The following PRKAR2B variants were observed in gnomAD, a reference collection of about 807,000 sequenced individuals.
PRKAR2B encodes the protein protein kinase cAMP-dependent type II regulatory subunit beta.
A neutral mutation model predicts 49.9 loss-of-function variants in PRKAR2B; 14 were observed. The ratio of observed to expected loss-of-function variants is 0.28; its 90% CI spans 0.19 to 0.44. PRKAR2B has a LOEUF of 0.44. PRKAR2B is among the 20% of genes least tolerant of loss of function. The pLI is 1.00. For synonymous variants in PRKAR2B, 196 were observed against 197.7 expected (o/e 0.99, Z 0.07); for missense variants, 393 against 537.9 (o/e 0.73, Z 2.67).
chr7:107,101,719 A>G (rs967082049), intron 2 of PRKAR2B, among the ~76,000 whole-genome samples: 3 of 152,166 alleles, frequency 2.0e-5, no homozygotes, highest in Non-Finnish European at 4.4e-5. Context: ...CAAAGCTGGT[A>G]GAACCACCAT....
At position 107,076,266 on chromosome 7, in the gene PRKAR2B, A is replaced by G. The variant is rs183011177; in HGVS notation, c.343+5950A>G. Among the ~76,000 whole-genome samples, 211 of 152,298 alleles carry G rather than the reference A, an allele frequency of 1.4e-3. 1 individual carries two copies. Among genetic ancestry groups the G allele is most frequent in the Non-Finnish European group, 2.0e-3 (137 of 68,026 alleles). Reference sequence around the variant, plus strand: ...ATAACACTGAAGGAATTTAACATCGATACGATACTATTATCTCATACAGAG... The same window carrying G: ...ATAACACTGAAGGAATTTAACATCGGTACGATACTATTATCTCATACAGAG... On this transcript the variant is annotated intron_variant, in intron 2 of 10. Transcript: ENST00000265717.
At chr7:107,096,408 G>T (rs181353790) in intron 2 of PRKAR2B, among the ~76,000 whole-genome samples, 95 of 150,982 alleles carry the variant, frequency 6.3e-4, no homozygotes, top group African/African-American at 2.2e-3. Context: ...TTCTTTGTTA[G>T]TCTTGCTAGC....
intron 6 of PRKAR2B, among the ~76,000 whole-genome samples, chr7:107,149,309 T>C (rs1406083674): frequency 1.3e-5 from 2 of 152,142 alleles, no homozygotes; most frequent in Non-Finnish European, 2.9e-5. Flanking sequence ...GGAAACAAGA[T>C]GTTTAATTTC....
chr7:107,068,284 G>A (rs1053769117), intron 1 of PRKAR2B, among the ~76,000 whole-genome samples: 11 of 152,100 alleles, frequency 7.2e-5, no homozygotes, highest in Non-Finnish European at 1.2e-4. Flanking sequence ...GGGCAGGGGG[G>A]CAGAGAATGT....
chr7:107,136,472 C>G (rs1795703822), intron 4 of PRKAR2B, among the ~76,000 whole-genome samples: 1 of 152,066 alleles, frequency 6.6e-6, no homozygotes, highest in African/African-American at 2.4e-5. Flanking sequence ...CAGTAGTAAA[C>G]CATCAGATTA....
intron 2 of PRKAR2B, among the ~76,000 whole-genome samples, chr7:107,099,054 G>A (rs968331528): frequency 5.9e-5 from 9 of 152,138 alleles, no homozygotes; most frequent in African/African-American, 2.2e-4. Flanking sequence ...TGTCAGACAG[G>A]GACATTTAAG....
intron 2 of PRKAR2B, among the ~76,000 whole-genome samples, chr7:107,072,863 TTAATG>T (rs1376449459): frequency 2.0e-5 from 3 of 152,182 alleles, no homozygotes; most frequent in Non-Finnish European, 4.4e-5. Flanking sequence ...CCATAAAACT[TTAATG>T]TAAGAATGGT....
rs1796170713 is a variant in PRKAR2B at position 107,160,024 on chromosome 7, A to AT, written c.*444dup. On this transcript the variant is annotated 3_prime_UTR_variant, in exon 11 of 11. Coordinates refer to ENST00000265717, the MANE Select transcript of PRKAR2B (RefSeq NM_002736.3). ...ATGGCATCACTTTTTTTTATAACTC[A>AT]TTAAACACAGTAAAATTTTAATCAT... is the stretch of plus-strand genomic sequence containing the variant. The AT allele has an allele frequency of 6.5e-6, 1 of 153,678 alleles. No individual in the cohort carries two copies. Among genetic ancestry groups the AT allele is most frequent in the Admixed American group, 6.5e-5 (1 of 15,322 alleles). The allele number at this position is 153,678 out of a possible 1,614,324, so 9.5% of individuals were successfully genotyped here.
rs1562876094 is a variant in PRKAR2B at position 107,161,632 on chromosome 7, T to G, written c.*2050T>G. 6.6e-6 allele frequency: 1 copy of G among 152,558 alleles called. No homozygotes were observed. The highest frequency in any genetic ancestry group is 1.5e-5 in the Non-Finnish European group (1 of 68,026). The allele number at this position is 152,558 out of a possible 1,614,324, so 9.5% of individuals were successfully genotyped here. On this transcript the variant is annotated 3_prime_UTR_variant, in exon 11 of 11. Coordinates refer to ENST00000265717, the MANE Select transcript of PRKAR2B (RefSeq NM_002736.3). ...GGAAGCGAACCCCCAGGGCATAACA[T>G]AGTAAGAAAGTATGGTTCTGTATGG...
At chr7:107,140,744 T>C (rs1795776932) in intron 4 of PRKAR2B, 103 bp from the exon 5 acceptor site, 1 of 740,160 alleles carries the variant, frequency 1.4e-6, no homozygotes, top group African/African-American at 1.8e-5. Flanking sequence ...GTTATGATTA[T>C]TTCCATTTCT....
intron 2 of PRKAR2B, among the ~76,000 whole-genome samples, chr7:107,080,194 T>G (rs1794489442): frequency 6.6e-6 from 1 of 152,126 alleles, no homozygotes; most frequent in Non-Finnish European, 1.5e-5. Flanking sequence ...GGGAGCACCA[T>G]GGAGTGGTCC....
chr7:107,049,217 G>A (rs1793756543), intron 1 of PRKAR2B, among the ~76,000 whole-genome samples: 1 of 152,188 alleles, frequency 6.6e-6, no homozygotes. Context: ...AGATTACTCT[G>A]ATAAATGGAC....
At chr7:107,094,245 C>T (rs1261298952) in intron 2 of PRKAR2B, among the ~76,000 whole-genome samples, 3 of 152,280 alleles carry the variant, frequency 2.0e-5, no homozygotes, top group African/African-American at 7.2e-5. Context: ...TTTTGATTTG[C>T]ATTTCTCTGA....
intron 4 of PRKAR2B, chr7:107,128,936 T>C (rs1795548633): frequency 6.6e-6 from 1 of 152,126 alleles, no homozygotes; most frequent in African/African-American, 2.4e-5. Context: ...GCTTCCTTCA[T>C]CTCAGATTAT....
At chr7:107,067,655 A>C (rs756333777) in intron 1 of PRKAR2B, among the ~76,000 whole-genome samples, 1 of 152,240 alleles carries the variant, frequency 6.6e-6, no homozygotes, top group Non-Finnish European at 1.5e-5. Flanking sequence ...TGTCCCACCT[A>C]GATGTGGAGG....
chr7:107,044,827 C>G lies in PRKAR2B; in HGVS notation c.-81C>G. ...GTAGCGCGCCAGCGCCGTAGGCGCT[C>G]GCTCGGCAGCCGCGGGGCCCTAGGC... On this transcript the variant is annotated 5_prime_UTR_variant, in exon 1 of 11. Transcript: ENST00000265717. 8.5e-7 allele frequency: 1 copy of G among 1,174,678 alleles called. No homozygotes were observed. The highest frequency in any genetic ancestry group is 1.6e-5 in the African/African-American group (1 of 61,830). The allele number at this position is 1,174,678 out of a possible 1,614,324, so 72.8% of individuals were successfully genotyped here.
At chr7:107,128,863 C>A (rs1477571188) in intron 4 of PRKAR2B, 1 of 147,910 alleles carries the variant, frequency 6.8e-6, no homozygotes, top group African/African-American at 2.5e-5. Flanking sequence ...TCTAGAATAC[C>A]CACTCTTGGT....
At chr7:107,091,718 A>G (rs951209413) in intron 2 of PRKAR2B, 1 of 152,236 alleles carries the variant, frequency 6.6e-6, no homozygotes, top group African/African-American at 2.4e-5. Context: ...AATGGTGGAA[A>G]TGCCACTATT....
chr7:107,146,890 A>G (rs1795904109), intron 6 of PRKAR2B, among the ~76,000 whole-genome samples: 1 of 152,238 alleles, frequency 6.6e-6, no homozygotes, highest in Admixed American at 6.5e-5. Context: ...AGAAATGCCC[A>G]TTCTGGGGCC....
Sources: allele counts gnomAD v4.1 joint callset (sites outside exome capture counted in the v4.1 genomes callset), GRCh38; gene constraint gnomAD v4.1.1; transcripts MANE v1.5; gene names NCBI Gene and HGNC (gene_info 2026-07-23, HGNC 2026-07-21).